GALNT13: variants seen among roughly 807,000 people sequenced by gnomAD.
GALNT13 encodes UDP-GalNAc:polypeptide N-acetylgalactosaminyltransferase 13.
A neutral mutation model predicts 64.2 loss-of-function variants in GALNT13; 28 were observed. The observed-to-expected ratio is 0.44, with a 90% confidence interval of 0.32 to 0.60. GALNT13 has a LOEUF of 0.60. GALNT13 is among the 20% of genes least tolerant of loss of function. The pLI is 0.05. For missense variants in GALNT13, 577 were observed against 669.8 expected, an observed-to-expected ratio of 0.86 and a Z score of 1.53; for synonymous variants, 214 against 224.6, an observed-to-expected ratio of 0.95 and a Z score of 0.42.
At chr2:153,231,682 T>C in the GALNT13 span, among the ~76,000 whole-genome samples, 46 of 152,206 alleles carry the variant, frequency 3.0e-4, no homozygotes, top group African/African-American at 1.1e-3. Context: ...TATTTATTAT[T>C]CTCTTAGCAA....
At chr2:153,601,889 T>C in the GALNT13 span, among the ~76,000 whole-genome samples, 1 of 151,840 alleles carries the variant, frequency 6.6e-6, no homozygotes. Flanking sequence ...AGTGCTAAAA[T>C]AGTGCGTTAT....
the GALNT13 span, among the ~76,000 whole-genome samples, chr2:153,475,061 G>A: frequency 1.3e-5 from 2 of 152,210 alleles, no homozygotes; most frequent in Non-Finnish European, 2.9e-5. Context: ...TTGTTAGAAT[G>A]AGGGACAAAG....
intron 9 of GALNT13, among the ~76,000 whole-genome samples, chr2:154,317,571 T>A (rs1457777738): frequency 6.6e-6 from 1 of 152,160 alleles, no homozygotes; most frequent in African/African-American, 2.4e-5. Context: ...TCTAATAGAC[T>A]ATATTAAAAT....
intron 4 of GALNT13, among the ~76,000 whole-genome samples, chr2:154,237,447 G>C (rs148617247): frequency 6.7e-6 from 1 of 149,826 alleles, no homozygotes; most frequent in East Asian, 2.0e-4. Flanking sequence ...TTTGTTCCTT[G>C]TTCATGTTGT....
chr2:153,588,678 G>A, the GALNT13 span, among the ~76,000 whole-genome samples: 1 of 152,304 alleles, frequency 6.6e-6, no homozygotes, highest in South Asian at 2.1e-4. Context: ...ATTGTCTTGG[G>A]GATTAACATT....
the GALNT13 span, among the ~76,000 whole-genome samples, chr2:153,416,137 T>A: frequency 6.6e-6 from 1 of 152,202 alleles, no homozygotes; most frequent in African/African-American, 2.4e-5. Flanking sequence ...TCATAATCAT[T>A]TATTTTTTTA....
At chr2:154,326,751 G>A (rs1395903023) in intron 9 of GALNT13, among the ~76,000 whole-genome samples, 4 of 152,082 alleles carry the variant, frequency 2.6e-5, no homozygotes, top group African/African-American at 9.6e-5. Flanking sequence ...ACTGACCTAA[G>A]AATCAAAATA....
At chr2:153,267,195 G>T in the GALNT13 span, among the ~76,000 whole-genome samples, 1 of 152,210 alleles carries the variant, frequency 6.6e-6, no homozygotes. Flanking sequence ...TTGCACCTGT[G>T]GCTCTGTAAG....
At chr2:153,806,020 C>T in the GALNT13 span, among the ~76,000 whole-genome samples, 2 of 151,768 alleles carry the variant, frequency 1.3e-5, no homozygotes, top group African/African-American at 4.8e-5. Context: ...GCTTTCCTAC[C>T]AAAGAGCCTA....
At chr2:153,359,035 T>C in the GALNT13 span, among the ~76,000 whole-genome samples, 1 of 152,358 alleles carries the variant, frequency 6.6e-6, no homozygotes, top group East Asian at 1.9e-4. Context: ...AGATTGTTTT[T>C]ATGATTTATC....
At chr2:153,562,183 G>A in the GALNT13 span, among the ~76,000 whole-genome samples, 25 of 151,412 alleles carry the variant, frequency 1.7e-4, no homozygotes, top group African/African-American at 5.8e-4. Context: ...GTAAATTGGA[G>A]GTATTATGCT....
the GALNT13 span, among the ~76,000 whole-genome samples, chr2:153,438,595 T>C: frequency 1.0e-3 from 159 of 152,340 alleles, 2 homozygotes; most frequent in African/African-American, 3.6e-3. Context: ...ATCGCTGATA[T>C]ACTTTCTTCC....
the GALNT13 span, among the ~76,000 whole-genome samples, chr2:153,257,810 T>G: frequency 2.0e-5 from 3 of 152,212 alleles, no homozygotes; most frequent in Admixed American, 6.5e-5. Context: ...TGTTTTCTTT[T>G]GCAATAGGAC....
At chr2:154,021,359 T>C (rs1222148352) in intron 3 of GALNT13, among the ~76,000 whole-genome samples, 1 of 152,210 alleles carries the variant, frequency 6.6e-6, no homozygotes, top group Non-Finnish European at 1.5e-5. Flanking sequence ...CATTTCTTTG[T>C]GTCCTCTTGT....
In GALNT13 at chr2:154,122,273, T is replaced by C. The variant is rs149444659; in HGVS notation, c.143-18064T>C. On this transcript the variant is annotated intron_variant, in intron 3 of 12. Transcript: ENST00000392825. ...TTTTATTATAAATAAATTTAAGTAATCTAGGATAAAAAATAGCTTCAATTT... is the reference window on the plus strand; with the variant it reads ...TTTTATTATAAATAAATTTAAGTAACCTAGGATAAAAAATAGCTTCAATTT... Among the ~76,000 whole-genome samples, 210 of 152,062 alleles carry C rather than the reference T, an allele frequency of 1.4e-3. No individual in the cohort carries two copies. In the Middle Eastern group the frequency reaches 0.017, roughly 12 times the overall value.
the GALNT13 span, among the ~76,000 whole-genome samples, chr2:153,094,027 CT>C: frequency 6.6e-6 from 1 of 151,982 alleles, no homozygotes; most frequent in Non-Finnish European, 1.5e-5. Context: ...GTAATGTCCC[CT>C]TTTTTCATTA....
At chr2:154,353,249 T>G (rs2105261490) in intron 9 of GALNT13, among the ~76,000 whole-genome samples, 1 of 152,298 alleles carries the variant, frequency 6.6e-6, no homozygotes, top group Non-Finnish European at 1.5e-5. Flanking sequence ...CCCTGTATAG[T>G]TAGCACTCAA....
At chr2:154,190,823 T>G (rs1686535507) in intron 4 of GALNT13, among the ~76,000 whole-genome samples, 1 of 152,222 alleles carries the variant, frequency 6.6e-6, no homozygotes, top group Non-Finnish European at 1.5e-5. Context: ...AACCTAATTT[T>G]AATAATTTAT....
the GALNT13 span, among the ~76,000 whole-genome samples, chr2:153,768,323 A>C: frequency 1.8e-4 from 28 of 152,288 alleles, 1 homozygote; most frequent in African/African-American, 6.5e-4. Context: ...TCTATAGTCC[A>C]GTTTACATCC....
Sources: gnomAD v4.1 joint callset for allele counts (sites outside exome capture counted in the v4.1 genomes callset) on GRCh38, gnomAD v4.1.1 for gene constraint, MANE v1.5 for transcripts, NCBI Gene and HGNC (gene_info 2026-07-23, HGNC 2026-07-21) for gene names.